Variants in SPTBN5 observed in about 807,000 individuals in gnomAD.
SPTBN5 encodes the protein spectrin beta, non-erythrocytic 5.
SPTBN5 carries 513 observed loss-of-function variants against 477.6 expected under a neutral mutation model. The ratio of observed to expected loss-of-function variants is 1.07; its 90% CI spans 1.00 to 1.16. The LOEUF is 1.16. Ranked by LOEUF, SPTBN5 falls within the 50% of genes most tolerant of loss-of-function variation. The pLI is 0.00. For missense variants in SPTBN5, 5,062 were observed against 4,731.8 expected (o/e 1.07, Z -2.05); for synonymous variants, 2,169 against 2,011.7 (o/e 1.08, Z -2.09).
intron 4 of SPTBN5, among the ~76,000 whole-genome samples, chr15:41,889,752 A>G (rs574402110): frequency 1.3e-5 from 2 of 152,332 alleles, no homozygotes; most frequent in African/African-American, 4.8e-5. Flanking sequence ...GGTGTAATGG[A>G]AGTTACAGAG....
In SPTBN5 at chr15:41,858,903, T is replaced by A. The variant is rs751300456; in HGVS notation, c.8066A>T (p.Gln2689Leu). The change falls in exon 48 of 68, where the codon CAG becomes CTG. Residue 2689 changes from glutamine (Q) to leucine (L), a missense_variant. Physicochemically the swap from Gln to Leu is moderately radical, Grantham distance 113 (BLOSUM62 -2). Coordinates refer to ENST00000320955, the MANE Select transcript of SPTBN5 (RefSeq NM_016642.4). The stretch of plus-strand genomic sequence containing the variant: ...AGCGAGGCGAACCTCCTGGGAGTCC[T>A]GCAGGAAGGCCTGCAGCTGCCGGAG... ...EELRQLQAFL[Q>L]DSQEVAAWLR... The A allele has an allele frequency of 4.0e-5, 63 of 1,591,010 alleles. No individual in the cohort carries two copies. The highest frequency in any genetic ancestry group is 5.3e-5 in the Non-Finnish European group (62 of 1,166,290).
intron 5 of SPTBN5, 36 bp from the exon 6 acceptor site, chr15:41,887,477 G>A (rs1447135946): frequency 6.2e-6 from 9 of 1,456,144 alleles, no homozygotes; most frequent in Non-Finnish European, 7.5e-6. Flanking sequence ...TCACCAGCAG[G>A]AACCTACTGC....
Position 41,885,879 on chromosome 15 carries a change from A to AGGCT in SPTBN5, c.1372_1375dup (p.Leu459GlnfsTer31), listed in dbSNP as rs752286188. 8.2e-6 allele frequency: 13 copies of AGGCT among 1,582,658 alleles called. No homozygotes were observed. Among genetic ancestry groups the AGGCT allele is most frequent in the Non-Finnish European group, 1.0e-5 (12 of 1,164,620 alleles). ...CTGGACGGCTGCCTCCACTGTGGCC[A>AGGCT]GGCTGGCTGGCGGGGCTCTGGCCTG... On this transcript the variant is annotated frameshift_variant, in exon 7 of 68. Coordinates refer to ENST00000320955, the MANE Select transcript of SPTBN5 (RefSeq NM_016642.4). LOFTEE classifies it high-confidence loss of function.
chr15:41,855,638 G>T lies in SPTBN5; in HGVS notation c.9129C>A (p.Ala3043=), dbSNP rs767919891. 12 of 1,609,152 alleles carry T rather than the reference G, an allele frequency of 7.5e-6. No individual in the cohort carries two copies. In the South Asian group the frequency reaches 1.2e-4, roughly 16 times the overall value. ...TGAACGCTTCCAGGTCTCTCTTGGT[G>T]GCCTCCAGCCGCCGCAGAAGGGCCT... The part of the protein sequence containing the change: ...ATQALLRRLE[A]TKRDLEAFSP... The change falls in exon 54 of 68, where the codon GCC becomes GCA. Residue 3043 remains alanine (A), a synonymous_variant. Coordinates refer to ENST00000320955, the MANE Select transcript of SPTBN5 (RefSeq NM_016642.4).
At chr15:41,886,413 C>T (rs2067153393) in intron 6 of SPTBN5, 47 bp from the exon 7 acceptor site, 27 of 1,517,958 alleles carry the variant, frequency 1.8e-5, no homozygotes, top group Non-Finnish European at 2.3e-5. Flanking sequence ...CAGGGCAGGC[C>T]CTGGAATGGG....
intron 35 of SPTBN5, 34 bp from the exon 36 acceptor site, chr15:41,867,160 C>T (rs1389765549): frequency 1.3e-6 from 2 of 1,504,256 alleles, no homozygotes; most frequent in Admixed American, 4.2e-5. Context: ...TGCTCTCCCA[C>T]CCTGGGCTGG....
chr15:41,887,136 G>A (rs1363094647), intron 6 of SPTBN5, 77 bp downstream of exon 6: 3 of 1,345,272 alleles, frequency 2.2e-6, no homozygotes, highest in African/African-American at 1.5e-5. Flanking sequence ...CAGCTAGTAC[G>A]TGGCAGGGCA....
rs968389343 is a variant in SPTBN5 at position 41,856,996 on chromosome 15, G to A, written c.8665C>T (p.Leu2889=). The A allele has an allele frequency of 3.7e-6, 6 of 1,604,346 alleles. No individual in the cohort carries two copies. The highest frequency in any genetic ancestry group is 5.1e-6 in the Non-Finnish European group (6 of 1,176,352). The part of the protein sequence containing the change: ...REPLQERRTA[L]EARSLLLKFF... ...TTCAAGAGGAGGCTCCGGGCCTCCA[G>A]GGCCGTCCTGCGCTCCTGCAGGGGC... Residue 2889 remains leucine, a synonymous_variant, in exon 52 of 68, where the codon CTG becomes TTG. Coordinates refer to ENST00000320955, the MANE Select transcript of SPTBN5 (RefSeq NM_016642.4).
At chr15:41,893,595 T>TA (rs2067382161) in intron 1 of SPTBN5, 49 bp from the exon 2 acceptor site, 1 of 1,483,440 alleles carries the variant, frequency 6.7e-7, no homozygotes, top group Non-Finnish European at 8.9e-7. Flanking sequence ...ATGGCCCCTC[T>TA]ACCAGGGGCC....
chr15:41,854,289 C>A lies in SPTBN5; in HGVS notation c.9619-84G>T. 3.4e-6 allele frequency: 5 copies of A among 1,475,670 alleles called. No homozygotes were observed. In the South Asian group the frequency reaches 5.1e-5, roughly 15 times the overall value. 91.4% of individuals were successfully genotyped at this position (1,475,670 alleles called of 1,614,324 possible). On this transcript the variant is annotated intron_variant, in intron 56 of 67. Transcript: ENST00000320955. The stretch of plus-strand genomic sequence containing the variant: ...CCTGGAGACATGGCCTTCTGGGCCA[C>A]CTCCTTTTGAACAAGGAGGATCATG...
intron 39 of SPTBN5, 113 bp from the exon 40 acceptor site, chr15:41,864,137 T>C: frequency 1.1e-6 from 1 of 913,348 alleles, no homozygotes; most frequent in Middle Eastern, 3.4e-4. Context: ...GAACTGCATA[T>C]TTGGGCAGTG....
In SPTBN5 at chr15:41,861,532, G is replaced by T. The variant is rs751875418; in HGVS notation, c.7738-36C>A. The T allele has an allele frequency of 1.2e-5, 20 of 1,605,052 alleles. No homozygotes were observed. In the Middle Eastern group the frequency reaches 1.3e-3, roughly 106 times the overall value. Reference sequence around the variant, plus strand: ...AGGAAAAGGCAAGAGACAGTCGGTGGAGGGTCCAGCCACTGCAGTTGGAGT... The same window carrying T: ...AGGAAAAGGCAAGAGACAGTCGGTGTAGGGTCCAGCCACTGCAGTTGGAGT... On this transcript the variant is annotated intron_variant, in intron 45 of 67. Coordinates refer to ENST00000320955, the MANE Select transcript of SPTBN5 (RefSeq NM_016642.4).
intron 18 of SPTBN5, 28 bp from the exon 19 acceptor site, chr15:41,876,976 C>G (rs780359045): frequency 1.3e-6 from 2 of 1,591,962 alleles, no homozygotes; most frequent in South Asian, 2.3e-5. Flanking sequence ...TGAGGTCATG[C>G]CTGGGAGAAT....
At chr15:41,876,012 C>A (rs1456640643) in intron 21 of SPTBN5, 102 bp downstream of exon 21, 36 of 1,419,500 alleles carry the variant, frequency 2.5e-5, no homozygotes, top group Admixed American at 1.0e-4. Context: ...CACGCTGAGG[C>A]TGATTTTTCC....
At position 41,886,029 on chromosome 15, in the gene SPTBN5, G is replaced by T. The variant is rs2067138481; in HGVS notation, c.1226C>A (p.Ala409Glu). The change falls in exon 7 of 68, where the codon GCA becomes GAA. Residue 409 changes from alanine to glutamate, a missense_variant. Transcript: ENST00000320955. ...CWAGLEWAEA[A>E]RSQALQQRLL... ...CCTCTGCTGCAGGGCCTGGCTCCTT[G>T]CAGCCTCTGCCCACTCCAGCCCTGC... The T allele has an allele frequency of 6.4e-7, 1 of 1,560,958 alleles. No homozygotes were observed. The highest frequency in any genetic ancestry group is 2.3e-5 in the East Asian group (1 of 43,176).
intron 10 of SPTBN5, 34 bp from the exon 11 acceptor site, chr15:41,882,503 GCAGAA>G: frequency 6.4e-7 from 1 of 1,564,878 alleles, no homozygotes; most frequent in Non-Finnish European, 8.6e-7. Flanking sequence ...CTCAGTGAAG[GCAGAA>G]CAGGGGAGGG....
rs541489393 is a variant in SPTBN5 at position 41,857,838 on chromosome 15, C to CT, written c.8227-129dup. The CT allele has an allele frequency of 3.0e-4, 328 of 1,104,522 alleles. No homozygotes were observed. In the African/African-American group the frequency reaches 4.6e-3, roughly 15 times the overall value. The allele number at this position is 1,104,522 out of a possible 1,614,324, so 68.4% of individuals were successfully genotyped here. On this transcript the variant is annotated intron_variant, in intron 49 of 67. Coordinates refer to ENST00000320955, the MANE Select transcript of SPTBN5 (RefSeq NM_016642.4). ...GGTCCAGCTGCATGATCTTGAGCAA[C>CT]TTTCTTTACCTAAGCCTCATTTTCC... is the stretch of plus-strand genomic sequence containing the variant.
At chr15:41,864,689 G>C (rs1364802174) in intron 39 of SPTBN5, among the ~76,000 whole-genome samples, 1 of 152,230 alleles carries the variant, frequency 6.6e-6, no homozygotes, top group Non-Finnish European at 1.5e-5. Flanking sequence ...GGAACAGTGA[G>C]CTCTGGCTTC....
chr15:41,867,770 G>T, intron 34 of SPTBN5, 128 bp from the exon 35 acceptor site: 1 of 929,840 alleles, frequency 1.1e-6, no homozygotes, highest in Non-Finnish European at 1.7e-6. Context: ...TTGGCATGGA[G>T]CTGTGAGGAG....
Sources: gnomAD v4.1 joint callset for allele counts (sites outside exome capture counted in the v4.1 genomes callset) on GRCh38, gnomAD v4.1.1 for gene constraint, MANE v1.5 for transcripts, NCBI Gene and HGNC (gene_info 2026-07-23, HGNC 2026-07-21) for gene names.